MYO3B: variants seen among roughly 807,000 people sequenced by gnomAD.
The protein encoded by MYO3B is myosin IIIB.
In MYO3B, 156 loss-of-function variants were observed where a neutral mutation model predicts 174.6. The ratio of observed to expected loss-of-function variants is 0.89; its 90% CI spans 0.78 to 1.02. MYO3B has a LOEUF of 1.02. Among genes scored for constraint, MYO3B ranks in the 50% least tolerant of loss-of-function variants. The pLI, the probability that MYO3B is intolerant of heterozygous loss-of-function variation, is 0.00. For missense variants in MYO3B, 1,632 were observed against 1,639.4 expected (o/e 1.00, Z 0.08); for synonymous variants, 563 against 569.1 (o/e 0.99, Z 0.15).
At chr2:170,403,274 TC>T (rs5836275) in intron 19 of MYO3B, among the ~76,000 whole-genome samples, 123,449 of 152,046 alleles carry the variant, frequency 0.81, 50,810 homozygotes, top group Middle Eastern at 0.92. Flanking sequence ...CTGTATCTCT[TC>T]TACTTTATTT....
At chr2:170,545,957 G>A (rs1690453042) in intron 32 of MYO3B, among the ~76,000 whole-genome samples, 1 of 152,106 alleles carries the variant, frequency 6.6e-6, no homozygotes, top group Non-Finnish European at 1.5e-5. Flanking sequence ...TGACCTTCAA[G>A]GCTTTCTCTG....
intron 3 of MYO3B, among the ~76,000 whole-genome samples, chr2:170,202,174 G>A (rs967406934): frequency 1.5e-4 from 23 of 152,194 alleles, no homozygotes; most frequent in Admixed American, 2.6e-4. Flanking sequence ...TGAGCCTTGC[G>A]CAGGTGCTCC....
intron 7 of MYO3B, among the ~76,000 whole-genome samples, chr2:170,284,623 A>G (rs1215414641): frequency 6.6e-6 from 1 of 152,226 alleles, no homozygotes; most frequent in East Asian, 1.9e-4. Flanking sequence ...AGAGTGGCCT[A>G]CATTGTTAAA....
At chr2:170,345,765 T>C (rs939171452) in intron 8 of MYO3B, among the ~76,000 whole-genome samples, 3 of 150,704 alleles carry the variant, frequency 2.0e-5, no homozygotes, top group Admixed American at 6.7e-5. Flanking sequence ...GATGAGGTCA[T>C]ACTGGAGTAG....
At chr2:170,246,141 C>G (rs1347634250) in intron 7 of MYO3B, among the ~76,000 whole-genome samples, 1 of 152,152 alleles carries the variant, frequency 6.6e-6, no homozygotes, top group African/African-American at 2.4e-5. Flanking sequence ...CCTGAAACAA[C>G]TATCAGACCC....
Position 170,601,948 on chromosome 2 carries a change from G to A in MYO3B, c.3734-49680G>A, listed in dbSNP as rs1344164070. ...AAAGGCCGAAGGAGGCCTCTTGGGT[G>A]CATTGGAATCCTCGAACTTCTTTTT... On this transcript the variant is annotated intron_variant, in intron 32 of 34. Transcript: ENST00000408978. 7.2e-6 allele frequency: 6 copies of A among 832,106 alleles called. No individual in the cohort carries two copies. The East Asian group carries it at 1.4e-4, about 20-fold the overall frequency. The allele number at this position is 832,106 out of a possible 1,614,324, so 51.5% of individuals were successfully genotyped here. A position where few individuals can be genotyped will look rare whatever the true frequency, so the allele number is the denominator to read the frequency against.
In MYO3B at chr2:170,451,688, C is replaced by T. The variant is rs536402725; in HGVS notation, c.2730+7642C>T. On this transcript the variant is annotated intron_variant, in intron 23 of 34. Coordinates refer to ENST00000408978, the MANE Select transcript of MYO3B (RefSeq NM_138995.5). ...CTTTCATATATAAACATCACACAAA[C>T]AGACATGAATATACACAGAAAAGAA... Among the ~76,000 whole-genome samples, 9 of 152,302 alleles carry T rather than the reference C, an allele frequency of 5.9e-5. No homozygotes were observed. In the East Asian group the frequency reaches 1.5e-3, roughly 26 times the overall value.
intron 32 of MYO3B, 85 bp downstream of exon 32, chr2:170,544,073 A>G (rs1310653543): frequency 1.1e-5 from 12 of 1,066,886 alleles, no homozygotes; most frequent in African/African-American, 8.0e-5. Flanking sequence ...GCAGGACTCA[A>G]TTAGATAGTA....
chr2:170,626,729 G>A (rs1463623508), intron 32 of MYO3B, among the ~76,000 whole-genome samples: 1 of 152,180 alleles, frequency 6.6e-6, no homozygotes. Flanking sequence ...AGGAGCTCTT[G>A]TAGGGCAGGC....
At chr2:170,435,974 A>G (rs2094750457) in intron 22 of MYO3B, among the ~76,000 whole-genome samples, 1 of 152,214 alleles carries the variant, frequency 6.6e-6, no homozygotes, top group Non-Finnish European at 1.5e-5. Flanking sequence ...AAATCCTCTG[A>G]AGCAGGCGGA....
chr2:170,619,786 GC>G (rs1695754642), intron 32 of MYO3B, among the ~76,000 whole-genome samples: 1 of 102,238 alleles, frequency 9.8e-6, no homozygotes, highest in South Asian at 3.4e-4. Flanking sequence ...TCGTTCTGTT[GC>G]CCAAGCTAGA....
chr2:170,630,718 A>C (rs935590500), intron 32 of MYO3B, among the ~76,000 whole-genome samples: 2 of 152,250 alleles, frequency 1.3e-5, no homozygotes, highest in Non-Finnish European at 2.9e-5. Flanking sequence ...ATCAGGCAGC[A>C]ACATTTGCTG....
At chr2:170,529,405 C>T (rs557719974) in intron 30 of MYO3B, among the ~76,000 whole-genome samples, 5 of 151,786 alleles carry the variant, frequency 3.3e-5, no homozygotes, top group Admixed American at 3.3e-4. Context: ...CTCTCCTTTC[C>T]TTCCTTCCCT....
Position 170,544,298 on chromosome 2 carries a change from C to T in MYO3B, c.3733+310C>T, listed in dbSNP as rs79153744. Reference sequence around the variant, plus strand: ...AACAGCTGACCAGCTTTTAGTGGAGCGGATCACGCAGGGTCGAAATCTAGG... The same window carrying T: ...AACAGCTGACCAGCTTTTAGTGGAGTGGATCACGCAGGGTCGAAATCTAGG... On this transcript the variant is annotated intron_variant, in intron 32 of 34. Transcript: ENST00000408978. Among the ~76,000 whole-genome samples, 316 of 152,248 alleles carry T rather than the reference C, an allele frequency of 2.1e-3. 2 individuals carry two copies. Among genetic ancestry groups the T allele is most frequent in the African/African-American group, 6.8e-3 (284 of 41,548 alleles).
At chr2:170,391,450 G>A in intron 14 of MYO3B, 70 bp from the exon 15 acceptor site, 5 of 697,310 alleles carry the variant, frequency 7.2e-6, no homozygotes, top group Non-Finnish European at 9.3e-6. Flanking sequence ...TGTACAGAAA[G>A]GAAATGGTGT....
chr2:170,376,605 A>AT lies in MYO3B; in HGVS notation c.972-5400dup, dbSNP rs10655853. 4.3e-3 allele frequency among the ~76,000 whole-genome samples: 620 copies of AT among 144,954 alleles called. 4 individuals are homozygous for AT. Among genetic ancestry groups the AT allele is most frequent in the East Asian group, 8.5e-3 (42 of 4,920 alleles). ...ACCTTTTTCCTTATTCCCTCTCTCTATTTTTTTTTTTGCCTCTATCCGCAA... is the reference window on the plus strand; with the variant it reads ...ACCTTTTTCCTTATTCCCTCTCTCTATTTTTTTTTTTTGCCTCTATCCGCAA... On this transcript the variant is annotated intron_variant, in intron 9 of 34. Coordinates refer to ENST00000408978, the MANE Select transcript of MYO3B (RefSeq NM_138995.5).
intron 30 of MYO3B, among the ~76,000 whole-genome samples, chr2:170,540,652 AAACAAAAAAC>A (rs927777530): frequency 7.3e-5 from 10 of 137,678 alleles, no homozygotes; most frequent in African/African-American, 2.4e-4. Context: ...CCTAAGGCAA[AAACAAAAAAC>A]AACAAAAAAA....
At chr2:170,429,093 T>A (rs2094688020) in intron 22 of MYO3B, among the ~76,000 whole-genome samples, 1 of 152,198 alleles carries the variant, frequency 6.6e-6, no homozygotes, top group Non-Finnish European at 1.5e-5. Flanking sequence ...GCATAGGTGT[T>A]GCGGGAAATT....
intron 32 of MYO3B, among the ~76,000 whole-genome samples, chr2:170,605,125 G>A (rs141684645): frequency 1.6e-3 from 241 of 152,256 alleles, no homozygotes; most frequent in Non-Finnish European, 2.7e-3. Flanking sequence ...CAGATCCAGG[G>A]CATCTTCTCT....
Sources: gnomAD v4.1 joint callset for allele counts (sites outside exome capture counted in the v4.1 genomes callset) on GRCh38, gnomAD v4.1.1 for gene constraint, MANE v1.5 for transcripts, NCBI Gene and HGNC (gene_info 2026-07-23, HGNC 2026-07-21) for gene names.